GARS1: variants seen among roughly 807,000 people sequenced by gnomAD.
The protein encoded by GARS1 is glycyl-tRNA synthetase 1.
In GARS1, 46 loss-of-function variants were observed where a neutral mutation model predicts 86.4. That is an observed-to-expected ratio of 0.53 (90% CI 0.42 to 0.68). The LOEUF is 0.68. Ranked by LOEUF, GARS1 falls within the 30% of genes least tolerant of loss-of-function variation. The probability of loss-of-function intolerance (pLI) is 0.00; values close to 1 mark genes in which losing one functional copy is unlikely to be tolerated. For missense variants in GARS1, 797 were observed against 915.6 expected (o/e 0.87, Z 1.67); for synonymous variants, 342 against 329.8 (o/e 1.04, Z -0.40).
At chr7:30,627,702 C>T (rs976667162) in intron 13 of GARS1, among the ~76,000 whole-genome samples, 3 of 152,214 alleles carry the variant, frequency 2.0e-5, no homozygotes, top group Non-Finnish European at 4.4e-5. Flanking sequence ...CCCCTAAGGG[C>T]GTCCTGACCC....
Position 30,621,451 on chromosome 7 carries a change from C to A in GARS1, c.1418C>A (p.Ala473Glu). 6.2e-7 allele frequency: 1 copy of A among 1,614,136 alleles called. No individual in the cohort carries two copies. ...DRSCYDLSCH[A>E]RATKVPLVAE... ...TCCTGTTATGACCTCTCCTGTCATG[C>A]ACGAGCCACCAAAGTCCCACTTGTA... is the stretch of plus-strand genomic sequence containing the variant. Residue 473 changes from alanine to glutamate, a missense_variant, in exon 11 of 17, where the codon GCA becomes GAA. This residue lies in a region of GARS1 where 598 missense variants were observed against 738.7 expected (regional missense o/e 0.81). Transcript: ENST00000389266.
chr7:30,603,567 G>T lies in GARS1; in HGVS notation c.730G>T (p.Ala244Ser). 2 of 1,611,956 alleles carry T rather than the reference G, an allele frequency of 1.2e-6. No homozygotes were observed. The change falls in exon 6 of 17, where the codon GCC becomes TCC. Residue 244 changes from alanine to serine, a missense_variant. Ala to Ser is a moderately conservative substitution (Grantham distance 99). This residue lies in a region of GARS1 where 598 missense variants were observed against 738.7 expected (regional missense o/e 0.81). Coordinates refer to ENST00000389266, the MANE Select transcript of GARS1 (RefSeq NM_002047.4). ...EKKSEMESVL[A>S]QLDNYGQQEL... ...GAAATCAGAAATGGAAAGTGTTTTG[G>T]CCCAGGTGAGTACTCTAGAGATGTT...
intron 8 of GARS1, among the ~76,000 whole-genome samples, chr7:30,612,523 C>T (rs1030352568): frequency 2.8e-5 from 4 of 141,114 alleles, no homozygotes; most frequent in African/African-American, 7.9e-5. Flanking sequence ...CCTTGTTCAT[C>T]GTATATTTTG....
chr7:30,626,156 C>A, intron 12 of GARS1, 78 bp from the exon 13 acceptor site: 3 of 797,772 alleles, frequency 3.8e-6, no homozygotes, highest in Non-Finnish European at 6.6e-6. Context: ...AACAACTTAG[C>A]AATCTACAAA....
At chr7:30,620,517 C>A (rs1782982426) in intron 10 of GARS1, among the ~76,000 whole-genome samples, 1 of 152,210 alleles carries the variant, frequency 6.6e-6, no homozygotes, top group East Asian at 1.9e-4. Flanking sequence ...CTAATACCAT[C>A]ACATTGGGAG....
At chr7:30,611,592 C>G (rs185128266) in intron 7 of GARS1, among the ~76,000 whole-genome samples, 4 of 152,304 alleles carry the variant, frequency 2.6e-5, no homozygotes, top group Admixed American at 6.5e-5. Flanking sequence ...TCAAGCGATT[C>G]TCTTGCCTCA....
chr7:30,612,871 T>C (rs1232491935), intron 8 of GARS1, among the ~76,000 whole-genome samples: 1 of 152,260 alleles, frequency 6.6e-6, no homozygotes, highest in Non-Finnish European at 1.5e-5. Context: ...TGGTGAGTTC[T>C]ATATTTCTTT....
At chr7:30,628,193 T>C (rs145857241) in intron 13 of GARS1, among the ~76,000 whole-genome samples, 295 of 152,056 alleles carry the variant, frequency 1.9e-3, no homozygotes, top group Admixed American at 6.5e-3. Context: ...CTTTTCTTTT[T>C]TTTTTTTTGA....
At position 30,633,897 on chromosome 7, in the gene GARS1, A is replaced by C; in HGVS notation, c.*37A>C. The C allele has an allele frequency of 1.9e-5, 1 of 53,522 alleles. No homozygotes were observed. Among genetic ancestry groups the C allele is most frequent in the Non-Finnish European group, 4.2e-5 (1 of 24,006 alleles). The allele number at this position is 53,522 out of a possible 1,614,324, so 3.3% of individuals were successfully genotyped here. On this transcript the variant is annotated 3_prime_UTR_variant, in exon 17 of 17. Coordinates refer to ENST00000389266, the MANE Select transcript of GARS1 (RefSeq NM_002047.4). ...ACAACTTTTGACCACTTGCGCTAAT[A>C]AAAAAAAAAAAAAACTACTCTTATG...
Position 30,601,072 on chromosome 7 carries a change from G to C in GARS1, c.441G>C (p.Leu147=), listed in dbSNP as rs1409701437. The C allele has an allele frequency of 6.2e-7, 1 of 1,613,998 alleles. No homozygotes were observed. The highest frequency in any genetic ancestry group is 8.5e-7 in the Non-Finnish European group (1 of 1,179,890). Residue 147 remains leucine (L), a synonymous_variant, in exon 4 of 17, where the codon CTG becomes CTC. Coordinates refer to ENST00000389266, the MANE Select transcript of GARS1 (RefSeq NM_002047.4). ...CATATTCTATAGGTGTTAGTGGTCT[G>C]TATGACTTTGGGCCAGTTGGCTGTG... The part of the protein sequence containing the change: ...AFAIYGGVSG[L]YDFGPVGCAL...
At chr7:30,624,796 G>A (rs561640301) in intron 12 of GARS1, among the ~76,000 whole-genome samples, 59 of 152,146 alleles carry the variant, frequency 3.9e-4, no homozygotes, top group Non-Finnish European at 6.3e-4. Context: ...AACATTTCTC[G>A]TCTTCCAGAA....
At chr7:30,614,830 C>G (rs564820159) in intron 8 of GARS1, among the ~76,000 whole-genome samples, 8 of 149,236 alleles carry the variant, frequency 5.4e-5, no homozygotes, top group African/African-American at 1.2e-4. Flanking sequence ...GAGCCGAGAT[C>G]GCGCCACTGC....
chr7:30,613,439 A>T (rs1257420822), intron 8 of GARS1, among the ~76,000 whole-genome samples: 2 of 152,204 alleles, frequency 1.3e-5, no homozygotes, highest in African/African-American at 4.8e-5. Flanking sequence ...CCGTTTCAAT[A>T]TCTAGCAAGT....
intron 7 of GARS1, among the ~76,000 whole-genome samples, chr7:30,611,597 G>A (rs1157253649): frequency 6.6e-6 from 1 of 152,140 alleles, no homozygotes; most frequent in Non-Finnish European, 1.5e-5. Flanking sequence ...CGATTCTCTT[G>A]CCTCAGCCTC....
chr7:30,632,163 C>T lies in GARS1; in HGVS notation c.1904-84C>T. On this transcript the variant is annotated intron_variant, in intron 15 of 16. Coordinates refer to ENST00000389266, the MANE Select transcript of GARS1 (RefSeq NM_002047.4). The surrounding 1 kb of genome is among the most constrained non-coding windows in gnomAD (Gnocchi z 4.1). ...TTGTCTTGGTCCCATTTATAAGTCT[C>T]CTGAGCTTGTAAGACAGTAGTTAGA... 1.5e-6 allele frequency: 2 copies of T among 1,318,778 alleles called. No individual in the cohort carries two copies. Among genetic ancestry groups the T allele is most frequent in the Non-Finnish European group, 1.1e-6 (1 of 930,920 alleles). 81.7% of individuals were successfully genotyped at this position (1,318,778 alleles called of 1,614,324 possible).
intron 7 of GARS1, among the ~76,000 whole-genome samples, chr7:30,611,879 AG>A (rs773828518): frequency 3.3e-5 from 5 of 152,204 alleles, no homozygotes; most frequent in Non-Finnish European, 7.3e-5. Context: ...TTGCCAAAGT[AG>A]TACTGCCACA....
chr7:30,631,386 T>C lies in GARS1; in HGVS notation c.1810-62T>C, dbSNP rs551478390. The stretch of plus-strand genomic sequence containing the variant: ...AATATTAACCTCTTTTGGTTTGGGA[T>C]ATTAGCATTTAGATATTTACAAATT... On this transcript the variant is annotated intron_variant, in intron 14 of 16. Coordinates refer to ENST00000389266, the MANE Select transcript of GARS1 (RefSeq NM_002047.4). The C allele has an allele frequency of 4.4e-4, 567 of 1,296,012 alleles. No individual in the cohort carries two copies. In the Middle Eastern group the frequency reaches 5.7e-3, roughly 13 times the overall value. The allele number at this position is 1,296,012 out of a possible 1,614,324, so 80.3% of individuals were successfully genotyped here. A position where few individuals can be genotyped will look rare whatever the true frequency, so the allele number is the denominator to read the frequency against.
At position 30,632,053 on chromosome 7, in the gene GARS1, G is replaced by C. The variant is rs1436757670; in HGVS notation, c.1904-194G>C. ...CCCCCTATAGCTGTATCAGATGGAG[G>C]TATGAGTGAAGATTTGGATTCCCGC... On this transcript the variant is annotated intron_variant, in intron 15 of 16. Coordinates refer to ENST00000389266, the MANE Select transcript of GARS1 (RefSeq NM_002047.4). The surrounding 1 kb of genome is among the most constrained non-coding windows in gnomAD (Gnocchi z 4.1). The C allele has an allele frequency of 1.6e-6, 1 of 618,194 alleles. No individual in the cohort carries two copies. The highest frequency in any genetic ancestry group is 2.9e-6 in the Non-Finnish European group (1 of 347,246). 38.3% of individuals were successfully genotyped at this position (618,194 alleles called of 1,614,324 possible). A position where few individuals can be genotyped will look rare whatever the true frequency, so the allele number is the denominator to read the frequency against.
In GARS1 at chr7:30,621,489, C is replaced by T. The variant is rs1783006569; in HGVS notation, c.1456C>T (p.Leu486=). The T allele has an allele frequency of 6.2e-7, 1 of 1,613,608 alleles. No homozygotes were observed. The highest frequency in any genetic ancestry group is 1.3e-5 in the African/African-American group (1 of 74,918). The part of the protein sequence containing the change: ...TKVPLVAEKP[L]KEPKTVNVVQ... The stretch of plus-strand genomic sequence containing the variant: ...AGTCCCACTTGTAGCTGAGAAACCT[C>T]TGAAAGAACCCATATCCTTTCTGGT... Residue 486 remains leucine (L), a synonymous_variant, in exon 11 of 17, where the codon CTG becomes TTG. Coordinates refer to ENST00000389266, the MANE Select transcript of GARS1 (RefSeq NM_002047.4).
Sources: allele counts gnomAD v4.1 joint callset (sites outside exome capture counted in the v4.1 genomes callset), GRCh38; gene constraint gnomAD v4.1.1; regional missense constraint gnomAD v4.1.1; non-coding constraint Gnocchi (gnomAD v3.1); transcripts MANE v1.5; gene names NCBI Gene and HGNC (gene_info 2026-07-23, HGNC 2026-07-21).